VWA8: variants seen among roughly 807,000 people sequenced by gnomAD.
The protein encoded by VWA8 is von Willebrand factor A domain containing 8, also known as von Willebrand factor A domain-containing protein 8.
A neutral mutation model predicts 241.5 loss-of-function variants in VWA8; 221 were observed. The ratio of observed to expected loss-of-function variants is 0.91; its 90% CI spans 0.82 to 1.02. The LOEUF is 1.02. Among genes scored for constraint, VWA8 ranks in the 50% least tolerant of loss-of-function variants. VWA8 has a pLI of 0.00. For synonymous variants in VWA8, 852 were observed against 827.1 expected (o/e 1.03, Z -0.52); for missense variants, 2,322 against 2,328.7 (o/e 1.00, Z 0.06).
intron 12 of VWA8, among the ~76,000 whole-genome samples, chr13:41,850,723 G>A (rs138831117): frequency 3.9e-5 from 6 of 152,198 alleles, no homozygotes; most frequent in South Asian, 4.2e-4. Context: ...CCCTATCAAG[G>A]CCAGTCTATA....
Position 41,701,277 on chromosome 13 carries a change from A to C in VWA8, c.3364+115T>G. The C allele has an allele frequency of 2.3e-6, 3 of 1,293,086 alleles. No homozygotes were observed. In the Admixed American group the frequency reaches 8.4e-5, roughly 36 times the overall value. The allele number at this position is 1,293,086 out of a possible 1,614,324, so 80.1% of individuals were successfully genotyped here. A position where few individuals can be genotyped will look rare whatever the true frequency, so the allele number is the denominator to read the frequency against. Reference sequence around the variant, plus strand: ...ATTACATATAATTGCTATCCAATCCAAGAATGACAGACACCAAGTCTATCA... The same window carrying C: ...ATTACATATAATTGCTATCCAATCCCAGAATGACAGACACCAAGTCTATCA... On this transcript the variant is annotated intron_variant, in intron 28 of 44. Transcript: ENST00000379310.
At chr13:41,689,151 A>C (rs911956994) in intron 34 of VWA8, among the ~76,000 whole-genome samples, 6 of 152,116 alleles carry the variant, frequency 3.9e-5, no homozygotes, top group Non-Finnish European at 8.8e-5. Flanking sequence ...TCATTGCATT[A>C]CGCTTTCAAT....
intron 17 of VWA8, among the ~76,000 whole-genome samples, chr13:41,801,183 T>A (rs1012063486): frequency 4.6e-5 from 7 of 151,948 alleles, no homozygotes; most frequent in Non-Finnish European, 1.0e-4. Context: ...AATTAAAAGT[T>A]GATTCAACTA....
chr13:41,667,431 T>A (rs1445080669), intron 37 of VWA8, among the ~76,000 whole-genome samples: 1 of 152,226 alleles, frequency 6.6e-6, no homozygotes, highest in Non-Finnish European at 1.5e-5. Flanking sequence ...GTCTTCACTA[T>A]AATGATGAAA....
chr13:41,664,389 A>ATGTGTGTGTGTGTG (rs3073033), intron 37 of VWA8, among the ~76,000 whole-genome samples: 5 of 137,872 alleles, frequency 3.6e-5, no homozygotes, highest in African/African-American at 1.1e-4. Context: ...ACATGCTTTG[A>ATGTGTGTGTGTGTG]TGTGTGTGTG....
chr13:41,582,588 T>C lies in VWA8; in HGVS notation c.5271+4924A>G, dbSNP rs191674532. Reference sequence around the variant, plus strand: ...TTCTGGGCTATGGAATATATATTTTTCTCTAGGAGCTCCTCAAACTGTCTT... The same window carrying C: ...TTCTGGGCTATGGAATATATATTTTCCTCTAGGAGCTCCTCAAACTGTCTT... On this transcript the variant is annotated intron_variant, in intron 42 of 44. Coordinates refer to ENST00000379310, the MANE Select transcript of VWA8 (RefSeq NM_015058.2). Among the ~76,000 whole-genome samples the C allele has an allele frequency of 3.7e-4, 57 of 152,334 alleles. No individual in the cohort carries two copies. In the South Asian group the frequency reaches 5.8e-3, roughly 16 times the overall value.
intron 17 of VWA8, among the ~76,000 whole-genome samples, chr13:41,808,864 A>G (rs1010733889): frequency 3.9e-5 from 6 of 152,172 alleles, no homozygotes; most frequent in African/African-American, 1.4e-4. Flanking sequence ...AAAAACCTAA[A>G]GACTCCAACA....
chr13:41,577,786 G>C (rs1339843275), intron 42 of VWA8, among the ~76,000 whole-genome samples: 1 of 152,190 alleles, frequency 6.6e-6, no homozygotes, highest in Non-Finnish European at 1.5e-5. Flanking sequence ...AGGTAAGAGG[G>C]CTATGAATGT....
Position 41,883,375 on chromosome 13 carries a change from GCAGA to G in VWA8, c.1080+8_1080+11del, listed in dbSNP as rs768900882. 6.3e-7 allele frequency: 1 copy of G among 1,589,448 alleles called. No homozygotes were observed. The highest frequency in any genetic ancestry group is 2.2e-5 in the East Asian group (1 of 44,668). On this transcript the variant is annotated splice_region_variant and intron_variant, in intron 9 of 44. Coordinates refer to ENST00000379310, the MANE Select transcript of VWA8 (RefSeq NM_015058.2). ...GGGAAAAGAAAGGAAAGAAAGGGAA[GCAGA>G]CACTCACCTTTAAAACACCTTCCAC...
intron 5 of VWA8, 54 bp downstream of exon 5, chr13:41,891,366 G>A (rs1874832912): frequency 6.2e-7 from 1 of 1,601,506 alleles, no homozygotes. Flanking sequence ...CAATAAAATG[G>A]CACTGCCCAT....
intron 9 of VWA8, among the ~76,000 whole-genome samples, chr13:41,872,628 G>A (rs1285678669): frequency 3.9e-5 from 6 of 152,042 alleles, no homozygotes; most frequent in Admixed American, 1.3e-4. Flanking sequence ...GATATATGGC[G>A]TTATTTCTGA....
chr13:41,745,198 G>A (rs1257972962), intron 21 of VWA8, among the ~76,000 whole-genome samples: 1 of 151,746 alleles, frequency 6.6e-6, no homozygotes. Flanking sequence ...GTGCAGGTTT[G>A]TTACATATGT....
chr13:41,788,637 A>T (rs1869315601), intron 17 of VWA8, among the ~76,000 whole-genome samples: 1 of 152,148 alleles, frequency 6.6e-6, no homozygotes, highest in Non-Finnish European at 1.5e-5. Context: ...TTCAAAAACC[A>T]AGCCCTCACC....
chr13:41,659,248 T>A (rs557457858), intron 37 of VWA8, among the ~76,000 whole-genome samples: 1 of 152,312 alleles, frequency 6.6e-6, no homozygotes, highest in East Asian at 1.9e-4. Flanking sequence ...ATGGGTAAGT[T>A]ATGATACATT....
At chr13:41,841,533 TC>T (rs1872001166) in intron 12 of VWA8, among the ~76,000 whole-genome samples, 1 of 151,732 alleles carries the variant, frequency 6.6e-6, no homozygotes, top group African/African-American at 2.4e-5. Context: ...ACGCCTGTAA[TC>T]CCAGCACTTT....
intron 17 of VWA8, among the ~76,000 whole-genome samples, chr13:41,797,878 G>A (rs1869776025): frequency 6.6e-6 from 1 of 151,948 alleles, no homozygotes; most frequent in Non-Finnish European, 1.5e-5. Context: ...CTGTTATCTG[G>A]AAAGTTTAAT....
chr13:41,755,940 G>A (rs943958569), intron 21 of VWA8, among the ~76,000 whole-genome samples: 6 of 151,534 alleles, frequency 4.0e-5, no homozygotes, highest in African/African-American at 1.4e-4. Flanking sequence ...ACGTGAAATC[G>A]AACGAAAACA....
At chr13:41,818,546 G>C (rs1870803377) in intron 15 of VWA8, among the ~76,000 whole-genome samples, 2 of 152,004 alleles carry the variant, frequency 1.3e-5, no homozygotes, top group Admixed American at 1.3e-4. Context: ...GTGGGCAATA[G>C]AGCAAGACTT....
rs564125480 is a variant in VWA8 at position 41,891,665 on chromosome 13, T to C, written c.484-78A>G. 6.0e-6 allele frequency: 9 copies of C among 1,504,968 alleles called. No homozygotes were observed. The Admixed American group carries it at 9.4e-5, about 16-fold the overall frequency. The allele number at this position is 1,504,968 out of a possible 1,614,324, so 93.2% of individuals were successfully genotyped here. On this transcript the variant is annotated intron_variant, in intron 4 of 44. Coordinates refer to ENST00000379310, the MANE Select transcript of VWA8 (RefSeq NM_015058.2). ...GGCCTAACATTACTTGTAATTCAAA[T>C]TTAAGTTGCAGTTCTTGTTATAGGG...
Sources: allele counts gnomAD v4.1 joint callset (sites outside exome capture counted in the v4.1 genomes callset), GRCh38; gene constraint gnomAD v4.1.1; transcripts MANE v1.5; gene names NCBI Gene and HGNC (gene_info 2026-07-23, HGNC 2026-07-21).